Variants in NUP160 observed in about 807,000 individuals in gnomAD.
NUP160 encodes the protein nuclear pore complex protein Nup160.
In NUP160, 94 loss-of-function variants were observed where a neutral mutation model predicts 196.9. That is an observed-to-expected ratio of 0.48 (90% CI 0.40 to 0.57). NUP160 has a LOEUF of 0.57. Ranked by LOEUF, NUP160 falls within the 20% of genes least tolerant of loss-of-function variation. The pLI, the probability that NUP160 is intolerant of heterozygous loss-of-function variation, is 0.00. For missense variants in NUP160, 1,638 were observed against 1,748.3 expected, an observed-to-expected ratio of 0.94 and a Z score of 1.13; for synonymous variants, 605 against 619.7, an observed-to-expected ratio of 0.98 and a Z score of 0.35.
chr11:47,813,204 G>T (rs1193776312), intron 14 of NUP160, 112 bp downstream of exon 14: 3 of 1,003,566 alleles, frequency 3.0e-6, no homozygotes, highest in Admixed American at 2.3e-5. Context: ...TTTGTGGTGT[G>T]GTAAAGTGAC....
At chr11:47,778,723 G>T in exon 36 of NUP160, 1 of 171,998 alleles carries the variant, frequency 5.8e-6, no homozygotes, top group South Asian at 1.4e-4. Context: ...AGAATTAAAA[G>T]ATTTGCAGTG....
intron 2 of NUP160, among the ~76,000 whole-genome samples, chr11:47,846,162 A>AG (rs1315748822): frequency 6.6e-6 from 1 of 151,476 alleles, no homozygotes; most frequent in Non-Finnish European, 1.5e-5. Context: ...AAAAGCAGAA[A>AG]GAAAAAAAAA....
chr11:47,815,570 T>C (rs2097683966), exon 13 of NUP160: 2 of 1,613,372 alleles, frequency 1.2e-6, no homozygotes, highest in South Asian at 1.1e-5. Context: ...ACAACAGGCA[T>C]AGAACTTGCA....
intron 3 of NUP160, 152 bp downstream of exon 3, chr11:47,840,226 G>T: frequency 1.2e-6 from 1 of 837,068 alleles, no homozygotes; most frequent in South Asian, 1.4e-5. Flanking sequence ...ATGTATGCCT[G>T]ATCATTTTAA....
At chr11:47,808,648 G>A in intron 17 of NUP160, 119 bp from the exon 18 acceptor site, 1 of 686,068 alleles carries the variant, frequency 1.5e-6, no homozygotes. Context: ...TACTGTAAAA[G>A]CAACACGTTT....
intron 28 of NUP160, 117 bp from the exon 29 acceptor site, chr11:47,792,107 G>A (rs2097668212): frequency 6.0e-6 from 4 of 667,610 alleles, no homozygotes; most frequent in Non-Finnish European, 1.0e-5. Flanking sequence ...TTTTTGTTTC[G>A]ACCAGCAGAG....
chr11:47,839,591 C>T (rs150133966), intron 4 of NUP160: 1,104 of 454,730 alleles, frequency 2.4e-3, no homozygotes, highest in Middle Eastern at 0.011. Flanking sequence ...ATTAGGCAAC[C>T]CATCTCTACT....
chr11:47,825,636 A>T (rs1851952203), intron 7 of NUP160, among the ~76,000 whole-genome samples: 1 of 152,028 alleles, frequency 6.6e-6, no homozygotes, highest in African/African-American at 2.4e-5. Context: ...GTATTTTAGT[A>T]GAGACAGGGT....
At chr11:47,819,319 A>AG (rs1169429008) in intron 10 of NUP160, 55 bp downstream of exon 10, 1 of 1,372,178 alleles carries the variant, frequency 7.3e-7, no homozygotes, top group Non-Finnish European at 1.0e-6. Flanking sequence ...TCTCAAAAAA[A>AG]AAAAAAAGAT....
chr11:47,835,590 A>C (rs1193637026), intron 7 of NUP160, 61 bp downstream of exon 7: 1 of 1,371,686 alleles, frequency 7.3e-7, no homozygotes, highest in South Asian at 1.6e-5. Flanking sequence ...CTGAGTCTAC[A>C]GCCATTTCTC....
At chr11:47,819,151 A>C (rs1259335752) in intron 10 of NUP160, among the ~76,000 whole-genome samples, 1 of 151,968 alleles carries the variant, frequency 6.6e-6, no homozygotes, top group African/African-American at 2.4e-5. Context: ...CCGTCTCTAC[A>C]AAAGTACAAA....
intron 33 of NUP160, among the ~76,000 whole-genome samples, chr11:47,784,211 A>T (rs1429330260): frequency 3.9e-5 from 6 of 152,224 alleles, no homozygotes; most frequent in Non-Finnish European, 7.3e-5. Context: ...TCCTAGCCTG[A>T]GATAATCTGA....
intron 11 of NUP160, among the ~76,000 whole-genome samples, chr11:47,816,734 C>A (rs2097684687): frequency 1.3e-5 from 2 of 151,610 alleles, no homozygotes; most frequent in Non-Finnish European, 2.9e-5. Context: ...CAAGATCGTG[C>A]CACCGCACTC....
intron 34 of NUP160, among the ~76,000 whole-genome samples, chr11:47,781,296 T>C (rs906784691): frequency 6.6e-6 from 1 of 151,790 alleles, no homozygotes; most frequent in Non-Finnish European, 1.5e-5. Flanking sequence ...AGGGTCTCAC[T>C]CTGTCACTCA....
At chr11:47,848,175 C>T in intron 1 of NUP160, 44 bp downstream of exon 1, 2 of 1,603,166 alleles carry the variant, frequency 1.2e-6, no homozygotes, top group Non-Finnish European at 1.7e-6. Context: ...GAGAGGAGCC[C>T]GAGGGGACAG....
intron 4 of NUP160, among the ~76,000 whole-genome samples, chr11:47,838,189 C>T (rs1852214877): frequency 6.6e-6 from 1 of 152,112 alleles, no homozygotes; most frequent in South Asian, 2.1e-4. Flanking sequence ...GAGTAAAGAC[C>T]TAAAGGAGCT....
chr11:47,809,308 T>C (rs2097679669), intron 17 of NUP160, among the ~76,000 whole-genome samples: 1 of 149,940 alleles, frequency 6.7e-6, no homozygotes, highest in Non-Finnish European at 1.5e-5. Context: ...ATCTAAATTC[T>C]CTCATATACT....
At chr11:47,826,171 A>AAAC (rs1851963585) in intron 7 of NUP160, among the ~76,000 whole-genome samples, 1 of 151,612 alleles carries the variant, frequency 6.6e-6, no homozygotes, top group African/African-American at 2.4e-5. Context: ...AACAAACAAA[A>AAAC]ACCCAACAGT....
intron 7 of NUP160, among the ~76,000 whole-genome samples, chr11:47,823,881 C>T (rs898113968): frequency 6.6e-6 from 1 of 151,572 alleles, no homozygotes; most frequent in African/African-American, 2.4e-5. Context: ...GTACATGCAA[C>T]AGGTTGTTTA....
Sources: gnomAD v4.1 joint callset for allele counts (sites outside exome capture counted in the v4.1 genomes callset) on GRCh38, gnomAD v4.1.1 for gene constraint, MANE v1.5 for transcripts, NCBI Gene and HGNC (gene_info 2026-07-23, HGNC 2026-07-21) for gene names.